GABBR2: variants seen among roughly 807,000 people sequenced by gnomAD.
GABBR2 encodes gamma-aminobutyric acid type B receptor subunit 2, also known as G-protein coupled receptor 51.
Under a neutral mutation model 105.6 loss-of-function variants are expected in GABBR2, and 23 were observed. The ratio of observed to expected loss-of-function variants is 0.22; its 90% CI spans 0.16 to 0.31. The LOEUF (loss-of-function observed/expected upper bound fraction) is 0.31, where lower values mean the gene tolerates loss of function less well. Ranked by LOEUF, GABBR2 falls within the 10% of genes least tolerant of loss-of-function variation. The probability of loss-of-function intolerance (pLI) is 1.00; values close to 1 mark genes in which losing one functional copy is unlikely to be tolerated. For synonymous variants in GABBR2, 478 were observed against 499.7 expected (o/e 0.96, Z 0.58); for missense variants, 734 against 1,245.5 (o/e 0.59, Z 6.18).
intron 8 of GABBR2, among the ~76,000 whole-genome samples, chr9:98,398,273 T>G (rs34757740): frequency 6.6e-6 from 1 of 152,028 alleles, no homozygotes; most frequent in Non-Finnish European, 1.5e-5. Flanking sequence ...CAAAAGATGA[T>G]CTTGGCTCAA....
At chr9:98,610,795 G>C (rs910637436) in intron 1 of GABBR2, among the ~76,000 whole-genome samples, 3 of 151,720 alleles carry the variant, frequency 2.0e-5, no homozygotes, top group Admixed American at 1.3e-4. Context: ...AAAAAAAAAC[G>C]TGTGCTGTTT....
chr9:98,562,687 A>T (rs563941107), intron 2 of GABBR2, among the ~76,000 whole-genome samples: 3 of 152,336 alleles, frequency 2.0e-5, no homozygotes, highest in East Asian at 3.9e-4. Context: ...AATGATGTTC[A>T]TTGTACTTTA....
At chr9:98,617,867 T>C (rs1723916292) in intron 1 of GABBR2, among the ~76,000 whole-genome samples, 1 of 152,188 alleles carries the variant, frequency 6.6e-6, no homozygotes. Context: ...CAGACAGATC[T>C]GCACCCAGTG....
chr9:98,608,923 A>G (rs1829467939), intron 1 of GABBR2, among the ~76,000 whole-genome samples: 1 of 152,148 alleles, frequency 6.6e-6, no homozygotes, highest in African/African-American at 2.4e-5. Context: ...TAGCAGGGGG[A>G]AAATGCATTT....
chr9:98,401,495 T>C (rs1245444288), intron 8 of GABBR2, among the ~76,000 whole-genome samples: 1 of 152,142 alleles, frequency 6.6e-6, no homozygotes, highest in Non-Finnish European at 1.5e-5. Flanking sequence ...CTGGGAGGTG[T>C]CGAGGCTAGG....
At chr9:98,662,488 T>C (rs1218839054) in intron 1 of GABBR2, among the ~76,000 whole-genome samples, 1 of 152,134 alleles carries the variant, frequency 6.6e-6, no homozygotes, top group Non-Finnish European at 1.5e-5. Flanking sequence ...TAGTAGCATA[T>C]AAAGAAACTC....
In GABBR2 at chr9:98,661,411, A is replaced by AC. The variant is rs537000447; in HGVS notation, c.321+47005dup. On this transcript the variant is annotated intron_variant, in intron 1 of 18. Transcript: ENST00000259455. ...ATTGAGACGTGTTGACTTTTCCCCC[A>AC]CCCCCCCGATATGGAGTCTCACTCT... is the stretch of plus-strand genomic sequence containing the variant. Among the ~76,000 whole-genome samples the AC allele has an allele frequency of 4.3e-4, 60 of 140,642 alleles. 2 individuals carry two copies. The East Asian group carries it at 9.9e-3, about 23-fold the overall frequency. The allele number at this position is 140,642 out of a possible 152,430, so 92.3% of individuals were successfully genotyped here. A position where few individuals can be genotyped will look rare whatever the true frequency, so the allele number is the denominator to read the frequency against.
chr9:98,477,587 C>T (rs62574629), intron 5 of GABBR2, among the ~76,000 whole-genome samples: 68 of 152,246 alleles, frequency 4.5e-4, no homozygotes, highest in Non-Finnish European at 8.1e-4. Context: ...GACTGACAAA[C>T]GGGTACTATT....
chr9:98,355,295 G>A (rs918049598), intron 13 of GABBR2, among the ~76,000 whole-genome samples: 3 of 151,650 alleles, frequency 2.0e-5, no homozygotes, highest in Non-Finnish European at 4.4e-5. Context: ...ATGTGACACC[G>A]AGACACAAAG....
intron 1 of GABBR2, among the ~76,000 whole-genome samples, chr9:98,671,152 C>G (rs561097592): frequency 1.3e-5 from 2 of 152,122 alleles, no homozygotes; most frequent in African/African-American, 4.8e-5. Flanking sequence ...GCCACCCCCC[C>G]GCCCCACTTC....
chr9:98,574,457 C>T (rs1588234621), intron 2 of GABBR2, among the ~76,000 whole-genome samples: 2 of 152,216 alleles, frequency 1.3e-5, no homozygotes, highest in African/African-American at 4.8e-5. Flanking sequence ...GAAGCAGATC[C>T]TTCGGCCCTA....
At chr9:98,507,543 T>C (rs995312434) in intron 3 of GABBR2, among the ~76,000 whole-genome samples, 1 of 152,180 alleles carries the variant, frequency 6.6e-6, no homozygotes, top group Non-Finnish European at 1.5e-5. Context: ...GAACTTCTGA[T>C]CTTCAGAACT....
rs941115299 is a variant in GABBR2, at chr9:98,371,342, T to C, written c.1770+122A>G. On this transcript the variant is annotated intron_variant, in intron 12 of 18. Coordinates refer to ENST00000259455, the MANE Select transcript of GABBR2 (RefSeq NM_005458.8). ...CCAGTAGGGTGAAGGTGGCAGGAGG[T>C]AGGGATTGTGTTTAGCTTGGATCCC... 5 of 640,264 alleles carry C rather than the reference T, an allele frequency of 7.8e-6. No individual in the cohort carries two copies. The East Asian group carries it at 8.3e-5, about 11-fold the overall frequency. 39.7% of individuals were successfully genotyped at this position (640,264 alleles called of 1,614,324 possible). A position where few individuals can be genotyped will look rare whatever the true frequency, so the allele number is the denominator to read the frequency against.
At chr9:98,343,499 G>A (rs997536722) in intron 13 of GABBR2, among the ~76,000 whole-genome samples, 1 of 152,094 alleles carries the variant, frequency 6.6e-6, no homozygotes, top group Non-Finnish European at 1.5e-5. Context: ...CTCCACCTAG[G>A]ATCACACCAT....
At chr9:98,532,715 G>A (rs556554843) in intron 3 of GABBR2, among the ~76,000 whole-genome samples, 1 of 152,248 alleles carries the variant, frequency 6.6e-6, no homozygotes, top group South Asian at 2.1e-4. Flanking sequence ...GATTCACTGG[G>A]GCTAGGACAG....
At chr9:98,514,564 C>T (rs1282851394) in intron 3 of GABBR2, among the ~76,000 whole-genome samples, 1 of 146,896 alleles carries the variant, frequency 6.8e-6, no homozygotes, top group Non-Finnish European at 1.5e-5. Context: ...AAAACAAACA[C>T]AGCATGTTCT....
intron 14 of GABBR2, among the ~76,000 whole-genome samples, chr9:98,309,265 GTAGGTGGGA>G (rs1830599953): frequency 1.3e-5 from 2 of 152,230 alleles, no homozygotes; most frequent in African/African-American, 4.8e-5. Context: ...CACTTTGGAA[GTAGGTGGGA>G]GAAGACAATG....
At chr9:98,421,233 C>A (rs893855855) in intron 7 of GABBR2, among the ~76,000 whole-genome samples, 1 of 152,182 alleles carries the variant, frequency 6.6e-6, no homozygotes, top group African/African-American at 2.4e-5. Context: ...GATTGTGCCA[C>A]ATCATTTTGA....
intron 9 of GABBR2, among the ~76,000 whole-genome samples, chr9:98,392,033 G>T (rs1484252535): frequency 6.6e-6 from 1 of 152,016 alleles, no homozygotes; most frequent in Non-Finnish European, 1.5e-5. Context: ...GCCCTGACCT[G>T]CCTGGGCTCT....
Sources: gnomAD v4.1 joint callset for allele counts (sites outside exome capture counted in the v4.1 genomes callset) on GRCh38, gnomAD v4.1.1 for gene constraint, MANE v1.5 for transcripts, NCBI Gene and HGNC (gene_info 2026-07-23, HGNC 2026-07-21) for gene names.